The following SLIT2 variants were observed in gnomAD, a reference collection of about 807,000 sequenced individuals.
SLIT2 encodes slit homolog 2 protein.
In SLIT2, 41 loss-of-function variants were observed where a neutral mutation model predicts 185.7. That is an observed-to-expected ratio of 0.22 (90% CI 0.17 to 0.29). SLIT2 has a LOEUF of 0.29. SLIT2 is among the 10% of genes least tolerant of loss of function. The pLI is 1.00. For missense variants in SLIT2, 1,571 were observed against 1,909.0 expected, an observed-to-expected ratio of 0.82 and a Z score of 3.30; for synonymous variants, 693 against 680.2, an observed-to-expected ratio of 1.02 and a Z score of -0.29.
chr4:20,290,139 C>T (rs553391761), intron 4 of SLIT2, among the ~76,000 whole-genome samples: 6 of 152,270 alleles, frequency 3.9e-5, no homozygotes, highest in African/African-American at 1.2e-4. Context: ...CCTTCATATT[C>T]CAGCTTGAAC....
chr4:20,333,247 T>C (rs990279469), intron 4 of SLIT2, among the ~76,000 whole-genome samples: 2 of 152,312 alleles, frequency 1.3e-5, no homozygotes, highest in African/African-American at 4.8e-5. Context: ...ACACCTTTTA[T>C]GTTTTATTAT....
intron 9 of SLIT2, among the ~76,000 whole-genome samples, chr4:20,495,441 A>G (rs1718148738): frequency 6.6e-6 from 1 of 152,220 alleles, no homozygotes; most frequent in African/African-American, 2.4e-5. Flanking sequence ...CAGGTTGATA[A>G]AAGGAGAAGA....
At chr4:20,469,975 G>A (rs980702562) in intron 5 of SLIT2, among the ~76,000 whole-genome samples, 5 of 151,778 alleles carry the variant, frequency 3.3e-5, no homozygotes, top group Non-Finnish European at 4.4e-5. Flanking sequence ...GGCTGGTCTC[G>A]AACTCCTGAC....
chr4:20,281,942 TTTCC>T lies in SLIT2; in HGVS notation c.395+13064_395+13067del, dbSNP rs569053040. Among the ~76,000 whole-genome samples, 377 of 152,286 alleles carry T rather than the reference TTTCC, an allele frequency of 2.5e-3. 1 individual carries two copies. Among genetic ancestry groups the T allele is most frequent in the African/African-American group, 8.3e-3 (344 of 41,570 alleles). ...CGTCTAACGAGGTTGGAAAAGAATT[TTTCC>T]TTAGTTCTTGTCAATCTCCCAGGGA... is the stretch of plus-strand genomic sequence containing the variant. On this transcript the variant is annotated intron_variant, in intron 4 of 36. Coordinates refer to ENST00000504154, the MANE Select transcript of SLIT2 (RefSeq NM_004787.4).
intron 4 of SLIT2, among the ~76,000 whole-genome samples, chr4:20,360,956 G>C (rs1474556586): frequency 1.3e-5 from 2 of 152,196 alleles, no homozygotes; most frequent in East Asian, 3.9e-4. Context: ...CAAATTGAGG[G>C]GGAGAAATGA....
rs147066305 is a variant in SLIT2, at chr4:20,469,498, T to C, written c.467+1675T>C. 1.6e-3 allele frequency among the ~76,000 whole-genome samples: 237 copies of C among 152,256 alleles called. 1 individual carries two copies. The highest frequency in any genetic ancestry group is 5.4e-3 in the African/African-American group (225 of 41,566). ...ACATGTGATTTCAAAAGTTTAGCGATAACAGAAGCTAGTCAGTGTTCTATC... is the reference window on the plus strand; with the variant it reads ...ACATGTGATTTCAAAAGTTTAGCGACAACAGAAGCTAGTCAGTGTTCTATC... On this transcript the variant is annotated intron_variant, in intron 5 of 36. Coordinates refer to ENST00000504154, the MANE Select transcript of SLIT2 (RefSeq NM_004787.4).
intron 26 of SLIT2, among the ~76,000 whole-genome samples, chr4:20,559,110 C>A (rs1042840431): frequency 2.0e-5 from 3 of 151,748 alleles, no homozygotes; most frequent in African/African-American, 7.3e-5. Context: ...AGAGCTTGCA[C>A]GTAGGAAACT....
At chr4:20,505,154 T>C (rs2148818143) in intron 9 of SLIT2, among the ~76,000 whole-genome samples, 1 of 152,178 alleles carries the variant, frequency 6.6e-6, no homozygotes, top group East Asian at 1.9e-4. Context: ...AAATACCATA[T>C]TTTTTTCTAC....
intron 14 of SLIT2, 141 bp from the exon 15 acceptor site, chr4:20,525,008 T>C: frequency 1.5e-6 from 1 of 662,860 alleles, no homozygotes; most frequent in Non-Finnish European, 2.7e-6. Flanking sequence ...CTGTACATTA[T>C]TGTACTTCAG....
chr4:20,314,930 G>A (rs537880329), intron 4 of SLIT2, among the ~76,000 whole-genome samples: 4 of 152,070 alleles, frequency 2.6e-5, no homozygotes, highest in African/African-American at 7.2e-5. Flanking sequence ...GTTGTTAAAG[G>A]TGTGGGGAAT....
Position 20,558,346 on chromosome 4 carries a change from G to C in SLIT2, c.2725+4378G>C, listed in dbSNP as rs114983787. On this transcript the variant is annotated intron_variant, in intron 26 of 36. Coordinates refer to ENST00000504154, the MANE Select transcript of SLIT2 (RefSeq NM_004787.4). ...CCCAACCTTCAGCAACCATTACCCT[G>C]ATCAGTCTCACCAGCCACTAACTCC... Among the ~76,000 whole-genome samples the C allele has an allele frequency of 3.1e-3, 475 of 152,062 alleles. 1 individual carries two copies. Among genetic ancestry groups the C allele is most frequent in the Non-Finnish European group, 4.4e-3 (301 of 67,998 alleles).
chr4:20,364,181 A>T (rs1722942227), intron 4 of SLIT2: 1 of 682,452 alleles, frequency 1.5e-6, no homozygotes, highest in Admixed American at 6.3e-5. Flanking sequence ...ACACTTAGAG[A>T]AATACTGGGA....
intron 29 of SLIT2, among the ~76,000 whole-genome samples, chr4:20,588,526 C>T (rs1727254318): frequency 2.0e-5 from 3 of 152,246 alleles, no homozygotes; most frequent in South Asian, 4.1e-4. Flanking sequence ...AGATGTGTCA[C>T]TTTATTTGTC....
intron 4 of SLIT2, among the ~76,000 whole-genome samples, chr4:20,426,694 A>G (rs1728583057): frequency 6.6e-6 from 1 of 152,220 alleles, no homozygotes; most frequent in African/African-American, 2.4e-5. Flanking sequence ...GCTGGGATCT[A>G]CAGAGCAGGA....
At chr4:20,355,758 A>G (rs943954541) in intron 4 of SLIT2, among the ~76,000 whole-genome samples, 4 of 152,190 alleles carry the variant, frequency 2.6e-5, no homozygotes, top group African/African-American at 9.6e-5. Context: ...ATATCTATGT[A>G]GAAGTACGCA....
intron 4 of SLIT2, among the ~76,000 whole-genome samples, chr4:20,459,494 T>G (rs1713461627): frequency 6.6e-6 from 1 of 152,208 alleles, no homozygotes; most frequent in Admixed American, 6.5e-5. Flanking sequence ...AGCATAAGTT[T>G]CTTGGGGATA....
At chr4:20,425,654 G>A (rs1377887034) in intron 4 of SLIT2, among the ~76,000 whole-genome samples, 1 of 152,072 alleles carries the variant, frequency 6.6e-6, no homozygotes, top group Admixed American at 6.6e-5. Flanking sequence ...CGTTTGTAAA[G>A]GGAAAAGCCA....
chr4:20,458,088 C>CA (rs10672353), intron 4 of SLIT2, among the ~76,000 whole-genome samples: 2,147 of 112,740 alleles, frequency 0.019, 36 homozygotes, highest in East Asian at 0.08. Flanking sequence ...ACACATTATG[C>CA]AAAAAAAAAA....
At chr4:20,282,315 T>C (rs915348407) in intron 4 of SLIT2, among the ~76,000 whole-genome samples, 4 of 152,230 alleles carry the variant, frequency 2.6e-5, no homozygotes, top group African/African-American at 7.2e-5. Context: ...TGAAGAACAC[T>C]ATTCAAGTGT....
Sources: allele counts gnomAD v4.1 joint callset (sites outside exome capture counted in the v4.1 genomes callset), GRCh38; gene constraint gnomAD v4.1.1; transcripts MANE v1.5; gene names NCBI Gene and HGNC (gene_info 2026-07-23, HGNC 2026-07-21).